SLC37A1: variants seen among roughly 807,000 people sequenced by gnomAD.
SLC37A1 encodes glucose-6-phosphate exchanger SLC37A1.
Under a neutral mutation model 75.3 loss-of-function variants are expected in SLC37A1, and 49 were observed. The ratio of observed to expected loss-of-function variants is 0.65; its 90% confidence interval spans 0.52 to 0.83. SLC37A1 has a LOEUF of 0.83. Ranked by LOEUF, SLC37A1 falls within the 40% of genes least tolerant of loss-of-function variation. SLC37A1 has a pLI of 0.00. For missense variants in SLC37A1, 566 were observed against 695.0 expected (o/e 0.81, Z 2.09); for synonymous variants, 268 against 292.1 (o/e 0.92, Z 0.84).
At chr21:42,533,042 CA>C (rs2055031378) in intron 3 of SLC37A1, among the ~76,000 whole-genome samples, 2 of 152,328 alleles carry the variant, frequency 1.3e-5, no homozygotes, top group South Asian at 4.1e-4. Flanking sequence ...AGCTCCGATT[CA>C]AAAGCCCTGG....
chr21:42,543,346 C>T (rs966450396), intron 7 of SLC37A1, 90 bp from the exon 8 acceptor site: 31 of 1,495,334 alleles, frequency 2.1e-5, no homozygotes, highest in Non-Finnish European at 2.7e-5. Context: ...CGCCGACTCC[C>T]TACTTTGCAG....
chr21:42,563,970 C>CTG, intron 13 of SLC37A1, 93 bp downstream of exon 13: 5 of 1,450,326 alleles, frequency 3.4e-6, no homozygotes, highest in Non-Finnish European at 3.8e-6. Context: ...CAGGGTTCCC[C>CTG]AAGGTCTCAT....
intron 6 of SLC37A1, among the ~76,000 whole-genome samples, chr21:42,541,769 T>G (rs2055289118): frequency 6.6e-6 from 1 of 152,160 alleles, no homozygotes; most frequent in Non-Finnish European, 1.5e-5. Context: ...TGAGATGGGG[T>G]CTTACTGTGT....
chr21:42,534,849 C>G lies in SLC37A1; in HGVS notation c.271+19C>G. ...CCGTTTGGTAAGTCGATTATCGGTC[C>G]GTCCAGGAGCCGAAGCGGCTGTCCT... On this transcript the variant is annotated intron_variant, in intron 4 of 19. Transcript: ENST00000352133. The G allele has an allele frequency of 2.5e-6, 4 of 1,607,782 alleles. No homozygotes were observed. The highest frequency in any genetic ancestry group is 2.6e-6 in the Non-Finnish European group (3 of 1,175,468).
chr21:42,519,983 T>C (rs1173208130), intron 2 of SLC37A1, among the ~76,000 whole-genome samples: 3 of 151,944 alleles, frequency 2.0e-5, no homozygotes, highest in African/African-American at 4.8e-5. Context: ...TGTGTGTGTG[T>C]GCATGTGTGT....
At chr21:42,564,223 C>CA (rs59155326) in intron 13 of SLC37A1, among the ~76,000 whole-genome samples, 51 of 79,956 alleles carry the variant, frequency 6.4e-4, no homozygotes, top group East Asian at 2.8e-3. Context: ...CCCCTCTCTA[C>CA]AAAAAAAAAA....
intron 3 of SLC37A1, among the ~76,000 whole-genome samples, chr21:42,532,090 A>G (rs2054999372): frequency 6.6e-6 from 1 of 152,138 alleles, no homozygotes; most frequent in African/African-American, 2.4e-5. Context: ...AGTGTAAGTG[A>G]TGTCACCAAG....
At chr21:42,512,076 CA>C (rs35096877), upstream of SLC37A1, among the ~76,000 whole-genome samples, 116,776 of 146,042 alleles carry the variant, frequency 0.8, 46,949 homozygotes, top group African/African-American at 0.84. Context: ...TTCTCACCAC[CA>C]AAAAAAAAAA....
chr21:42,554,982 G>GGTTTTTTTTTTTTTTT (rs368777229), intron 10 of SLC37A1, among the ~76,000 whole-genome samples: 1 of 116,598 alleles, frequency 8.6e-6, no homozygotes, highest in African/African-American at 3.1e-5. Context: ...TTGGTTGGTT[G>GGTTTTTTTTTTTTTTT]TTTTTTTTTT....
At chr21:42,503,684 C>T (rs1001690256) in intron 2 of SLC37A1, among the ~76,000 whole-genome samples, 1 of 152,154 alleles carries the variant, frequency 6.6e-6, no homozygotes, top group Non-Finnish European at 1.5e-5. Flanking sequence ...CGCTGGCATA[C>T]CTGCTTGTTT....
At chr21:42,575,484 C>T (rs757985068) in intron 18 of SLC37A1, 19 of 985,342 alleles carry the variant, frequency 1.9e-5, no homozygotes, top group Non-Finnish European at 2.3e-5. Flanking sequence ...GCCCCCTTTT[C>T]TCTGGGCTCC....
chr21:42,543,517 G>A lies in SLC37A1; in HGVS notation c.645G>A (p.Val215=), dbSNP rs772851848. The A allele has an allele frequency of 6.2e-6, 10 of 1,614,130 alleles. No individual in the cohort carries two copies. The highest frequency in any genetic ancestry group is 3.3e-5 in the South Asian group (3 of 91,042). ...ILGSLIAGYW[V]STCWGLSFVV... ...GGTCATTGATCGCTGGCTACTGGGT[G>A]TCCACATGCTGGGGCCTGTCCTTCG... The change falls in exon 8 of 20, where the codon GTG becomes GTA. Residue 215 remains valine, a synonymous_variant. Transcript: ENST00000352133.
At chr21:42,521,804 G>T (rs2054656919) in intron 2 of SLC37A1, among the ~76,000 whole-genome samples, 1 of 152,196 alleles carries the variant, frequency 6.6e-6, no homozygotes. Flanking sequence ...ATATTCATAA[G>T]TCTAAACATA....
chr21:42,570,315 T>TGGCGGGCAG (rs1569041867), intron 17 of SLC37A1, among the ~76,000 whole-genome samples: 1 of 20,798 alleles, frequency 4.8e-5, no homozygotes, highest in African/African-American at 2.8e-4. Flanking sequence ...TTCTGAGAAG[T>TGGCGGGCAG]GGTGGGCAGG....
intron 16 of SLC37A1, among the ~76,000 whole-genome samples, chr21:42,567,653 A>C: frequency 6.6e-6 from 1 of 152,260 alleles, no homozygotes; most frequent in Non-Finnish European, 1.5e-5. Context: ...TGTGTTCTTT[A>C]TTTTATATAC....
chr21:42,577,831 C>T (rs1214209241), intron 18 of SLC37A1, among the ~76,000 whole-genome samples: 3 of 151,940 alleles, frequency 2.0e-5, no homozygotes, highest in African/African-American at 4.8e-5. Flanking sequence ...ACTGGAATTC[C>T]GAAAAGACAA....
chr21:42,570,905 C>T (rs370882658), intron 17 of SLC37A1, among the ~76,000 whole-genome samples: 6 of 152,252 alleles, frequency 3.9e-5, no homozygotes, highest in South Asian at 4.1e-4. Flanking sequence ...GCACACACAC[C>T]GGACCCCCTC....
chr21:42,550,995 C>T lies in SLC37A1; in HGVS notation c.769-3067C>T, dbSNP rs74278197. 5.7e-3 allele frequency among the ~76,000 whole-genome samples: 861 copies of T among 152,294 alleles called. 34 individuals carry two copies. The East Asian group carries it at 0.088, about 16-fold the overall frequency. Reference sequence around the variant, plus strand: ...TAATGGTGAAAGACCAGGTGCTTTCCGCCTGAGATCAGGAACAAGACTAGG... The same window carrying T: ...TAATGGTGAAAGACCAGGTGCTTTCTGCCTGAGATCAGGAACAAGACTAGG... On this transcript the variant is annotated intron_variant, in intron 9 of 19. Transcript: ENST00000352133.
upstream of SLC37A1, among the ~76,000 whole-genome samples, chr21:42,511,697 T>A (rs1374075160): frequency 6.6e-6 from 1 of 152,048 alleles, no homozygotes; most frequent in Non-Finnish European, 1.5e-5. Context: ...AGGGGGAGGA[T>A]CACTTGGGCC....
Sources: gnomAD v4.1 joint callset for allele counts (sites outside exome capture counted in the v4.1 genomes callset) on GRCh38, gnomAD v4.1.1 for gene constraint, MANE v1.5 for transcripts, NCBI Gene and HGNC (gene_info 2026-07-23, HGNC 2026-07-21) for gene names.